The following NAA11 variants were observed in gnomAD, a reference collection of about 807,000 sequenced individuals.
NAA11 encodes the protein N-alpha-acetyltransferase 11.
Under a neutral mutation model 16.1 loss-of-function variants are expected in NAA11, and 15 were observed. That is an observed-to-expected ratio of 0.93 (90% CI 0.62 to 1.44). The LOEUF (loss-of-function observed/expected upper bound fraction) is 1.44. Among genes scored for constraint, NAA11 ranks in the 40% most tolerant of loss-of-function variants. The pLI is 0.00. For missense variants in NAA11, 298 were observed against 291.3 expected (o/e 1.02, Z -0.17); for synonymous variants, 122 against 112.4 (o/e 1.09, Z -0.54).
Position 79,258,295 on chromosome 4 carries a change from G to A in NAA11, c.*123-32025C>T, listed in dbSNP as rs72870831. On this transcript the variant is annotated intron_variant and NMD_transcript_variant, in intron 2 of 2. Transcript: ENST00000511542. ...ACCCCTGATCCTGGGAGCAGTGGCA[G>A]CTACCCAAACTGTGGTTGCACACCC... Among the ~76,000 whole-genome samples the A allele has an allele frequency of 5.5e-3, 834 of 152,404 alleles. 9 individuals carry two copies. Among genetic ancestry groups the A allele is most frequent in the African/African-American group, 0.018 (768 of 41,604 alleles).
chr4:79,267,958 A>G (rs996766776), intron 2 of NAA11, among the ~76,000 whole-genome samples: 1 of 152,140 alleles, frequency 6.6e-6, no homozygotes, highest in South Asian at 2.1e-4. Context: ...CTATATTAGC[A>G]TCATCCTACT....
At chr4:79,228,349 G>T (rs1345318666) in intron 2 of NAA11, among the ~76,000 whole-genome samples, 3 of 151,872 alleles carry the variant, frequency 2.0e-5, no homozygotes, top group Admixed American at 2.0e-4. Context: ...ATTTTATTAT[G>T]ATATCATTTA....
intron 2 of NAA11, among the ~76,000 whole-genome samples, chr4:79,254,958 G>A: frequency 6.6e-6 from 1 of 152,132 alleles, no homozygotes; most frequent in East Asian, 1.9e-4. Context: ...GAACATAAAT[G>A]TGGAATAGTC....
chr4:79,193,211 A>G, the NAA11 span, among the ~76,000 whole-genome samples: 1 of 152,190 alleles, frequency 6.6e-6, no homozygotes. Context: ...TTTGCTGTGC[A>G]GAAGCTCTTT....
At chr4:79,193,607 C>T in the NAA11 span, among the ~76,000 whole-genome samples, 1 of 152,086 alleles carries the variant, frequency 6.6e-6, no homozygotes, top group African/African-American at 2.4e-5. Context: ...GTACCAGTAC[C>T]ATGCTGTTTT....
At chr4:79,201,641 G>A in the NAA11 span, among the ~76,000 whole-genome samples, 1 of 151,324 alleles carries the variant, frequency 6.6e-6, no homozygotes, top group Non-Finnish European at 1.5e-5. Context: ...TTTGGTGTTT[G>A]GGACTTTTTA....
chr4:79,303,943 ATGAT>A (rs1048124258), intron 1 of NAA11, among the ~76,000 whole-genome samples: 1 of 152,068 alleles, frequency 6.6e-6, no homozygotes, highest in African/African-American at 2.4e-5. Flanking sequence ...TTTTTAATAT[ATGAT>A]TGTTTTACTA....
downstream of NAA11, among the ~76,000 whole-genome samples, chr4:79,223,919 CACTT>C (rs1457399465): frequency 6.6e-6 from 1 of 152,068 alleles, no homozygotes; most frequent in African/African-American, 2.4e-5. Flanking sequence ...TAGAAATTCT[CACTT>C]TATTTTTATA....
intron 2 of NAA11, among the ~76,000 whole-genome samples, chr4:79,262,465 C>A (rs997940866): frequency 1.3e-5 from 2 of 152,112 alleles, no homozygotes; most frequent in African/African-American, 2.4e-5. Flanking sequence ...GTCTCACTTG[C>A]AGCTATGGGT....
At chr4:79,196,928 T>C in the NAA11 span, among the ~76,000 whole-genome samples, 2 of 119,090 alleles carry the variant, frequency 1.7e-5, no homozygotes, top group Non-Finnish European at 3.2e-5. Context: ...CCAGGGAATG[T>C]GGACCTCTTT....
At chr4:79,258,046 A>G (rs1241215154) in intron 2 of NAA11, among the ~76,000 whole-genome samples, 1 of 152,240 alleles carries the variant, frequency 6.6e-6, no homozygotes, top group Non-Finnish European at 1.5e-5. Context: ...TGCAGTGGAA[A>G]GGTGTGGCCA....
chr4:79,286,416 TAAAGG>T (rs1035155011), intron 2 of NAA11, among the ~76,000 whole-genome samples: 10 of 152,086 alleles, frequency 6.6e-5, no homozygotes, highest in African/African-American at 2.4e-4. Context: ...ACATGTTTCT[TAAAGG>T]AAGTGTTTAT....
downstream of NAA11, among the ~76,000 whole-genome samples, chr4:79,314,099 C>T (rs1053804879): frequency 6.6e-6 from 1 of 152,128 alleles, no homozygotes; most frequent in African/African-American, 2.4e-5. Flanking sequence ...AAATAACATA[C>T]ATGATCTCAC....
At chr4:79,251,636 TTA>T (rs899798137) in intron 2 of NAA11, among the ~76,000 whole-genome samples, 91 of 71,572 alleles carry the variant, frequency 1.3e-3, no homozygotes, top group Non-Finnish European at 2.8e-3. Flanking sequence ...TAAAAGTGAA[TTA>T]AAAAAAAAAA....
chr4:79,164,148 C>T, the NAA11 span, among the ~76,000 whole-genome samples: 28 of 152,198 alleles, frequency 1.8e-4, no homozygotes, highest in African/African-American at 6.5e-4. Flanking sequence ...TAAGAAATTA[C>T]TCATCTTGGT....
intron 2 of NAA11, among the ~76,000 whole-genome samples, chr4:79,248,331 T>TAA (rs1447720770): frequency 1.3e-5 from 2 of 151,796 alleles, no homozygotes; most frequent in African/African-American, 4.8e-5. Context: ...CACACACCCA[T>TAA]AACCAACCCC....
chr4:79,264,118 C>G (rs993986936), intron 2 of NAA11, among the ~76,000 whole-genome samples: 2 of 152,182 alleles, frequency 1.3e-5, no homozygotes, highest in African/African-American at 2.4e-5. Flanking sequence ...CGCTCGTGCA[C>G]TAGATCAGCA....
chr4:79,254,218 C>T (rs1292752595), intron 2 of NAA11, among the ~76,000 whole-genome samples: 2 of 152,202 alleles, frequency 1.3e-5, no homozygotes, highest in Non-Finnish European at 2.9e-5. Context: ...TTATCTATCG[C>T]ATGTCCATCA....
chr4:79,203,422 A>C, the NAA11 span, among the ~76,000 whole-genome samples: 2 of 151,816 alleles, frequency 1.3e-5, no homozygotes, highest in Non-Finnish European at 2.9e-5. Context: ...GTATTATCCT[A>C]CAGAAGTACC....
Sources: allele counts gnomAD v4.1 joint callset (sites outside exome capture counted in the v4.1 genomes callset), GRCh38; gene constraint gnomAD v4.1.1; transcripts MANE v1.5; gene names NCBI Gene and HGNC (gene_info 2026-07-23, HGNC 2026-07-21).